GFRA2: variants seen among roughly 807,000 people sequenced by gnomAD.
The protein encoded by GFRA2 is GDNF family receptor alpha-2.
GFRA2 carries 17 observed loss-of-function variants against 48.3 expected under a neutral mutation model. The observed-to-expected ratio is 0.35, with a 90% CI of 0.24 to 0.53. The LOEUF is 0.53. Ranked by LOEUF, GFRA2 falls within the 20% of genes least tolerant of loss-of-function variation. GFRA2 has a pLI of 0.93. For synonymous variants in GFRA2, 305 were observed against 257.2 expected (o/e 1.19, Z -1.78); for missense variants, 660 against 637.3 (o/e 1.04, Z -0.38).
At chr8:21,715,659 C>T (rs570398526) in intron 4 of GFRA2, among the ~76,000 whole-genome samples, 4 of 152,318 alleles carry the variant, frequency 2.6e-5, no homozygotes, top group Non-Finnish European at 5.9e-5. Flanking sequence ...ACCCCTTTCT[C>T]CTGGCCACAC....
Position 21,753,437 on chromosome 8 carries a change from G to A in GFRA2, c.440-2495C>T, listed in dbSNP as rs534821631. Among the ~76,000 whole-genome samples, 17 of 152,254 alleles carry A rather than the reference G, an allele frequency of 1.1e-4. No homozygotes were observed. The South Asian group carries it at 1.7e-3, about 15-fold the overall frequency. On this transcript the variant is annotated intron_variant, in intron 3 of 8. Coordinates refer to ENST00000524240, the MANE Select transcript of GFRA2 (RefSeq NM_001495.5). ...AGACTGGCCAACATGGCAAAACCCC[G>A]TCTCTACTAAAAATATAAAAATTAG... is the stretch of plus-strand genomic sequence containing the variant.
chr8:21,794,011 G>A (rs1807624358), intron 2 of GFRA2, among the ~76,000 whole-genome samples: 1 of 151,528 alleles, frequency 6.6e-6, no homozygotes, highest in Non-Finnish European at 1.5e-5. Context: ...CTACAGGCCT[G>A]CACCTGGCTT....
intron 1 of GFRA2, among the ~76,000 whole-genome samples, chr8:21,784,790 G>C (rs1200172315): frequency 6.6e-6 from 1 of 152,186 alleles, no homozygotes; most frequent in Non-Finnish European, 1.5e-5. Context: ...GAAGAAATCA[G>C]ACCGGAGTTT....
rs1048891961 is a variant in GFRA2 at position 21,767,953 on chromosome 8, G to A, written c.439+7019C>T. 3.8e-4 allele frequency among the ~76,000 whole-genome samples: 38 copies of A among 99,226 alleles called. 3 individuals carry two copies. Among genetic ancestry groups the A allele is most frequent in the Admixed American group, 3.2e-3 (31 of 9,682 alleles). The allele number at this position is 99,226 out of a possible 152,430, so 65.1% of individuals were successfully genotyped here. On this transcript the variant is annotated intron_variant, in intron 3 of 8. Transcript: ENST00000524240. ...CTGACAAGAGCCTGAGGTCACTGGCGTTGACAGAGAGAGAGAGAGAGAGCA... is the reference window on the plus strand; with the variant it reads ...CTGACAAGAGCCTGAGGTCACTGGCATTGACAGAGAGAGAGAGAGAGAGCA...
intron 4 of GFRA2, 63 bp from the exon 5 acceptor site, chr8:21,706,104 C>A (rs1318931094): frequency 1.1e-5 from 12 of 1,061,326 alleles, no homozygotes; most frequent in Non-Finnish European, 1.6e-5. Flanking sequence ...CTTCTGTCTC[C>A]TCTGTCCTGC....
rs1232745011 is a variant in GFRA2, at chr8:21,692,253, A to G, written c.*1025T>C. 1.3e-5 allele frequency: 2 copies of G among 152,512 alleles called. No individual in the cohort carries two copies. Among genetic ancestry groups the G allele is most frequent in the Admixed American group, 1.3e-4 (2 of 15,282 alleles). The allele number at this position is 152,512 out of a possible 1,614,324, so 9.4% of individuals were successfully genotyped here. A position where few individuals can be genotyped will look rare whatever the true frequency, so the allele number is the denominator to read the frequency against. On this transcript the variant is annotated 3_prime_UTR_variant, in exon 9 of 9. Transcript: ENST00000524240. ...AAAAAAAGGAAAGAAAGGGGAAACC[A>G]CACAATATATGTATATGGATGTGTA...
chr8:21,798,209 C>A (rs758992415), intron 2 of GFRA2, among the ~76,000 whole-genome samples: 3 of 152,182 alleles, frequency 2.0e-5, no homozygotes, highest in African/African-American at 4.8e-5. Flanking sequence ...ACATCCCACC[C>A]AGCATTATGG....
chr8:21,809,870 G>C (rs1390698995), intron 1 of GFRA2, among the ~76,000 whole-genome samples: 1 of 152,150 alleles, frequency 6.6e-6, no homozygotes, highest in Admixed American at 6.5e-5. Flanking sequence ...AAGGGAAATA[G>C]GGGAACAGCA....
chr8:21,771,588 T>C (rs1158457141), intron 3 of GFRA2, among the ~76,000 whole-genome samples: 3 of 152,180 alleles, frequency 2.0e-5, no homozygotes, highest in East Asian at 1.9e-4. Flanking sequence ...TCCTGGCAGC[T>C]TCTTTGCAAC....
At chr8:21,793,329 A>G (rs1807610929), upstream of GFRA2, among the ~76,000 whole-genome samples, 1 of 152,132 alleles carries the variant, frequency 6.6e-6, no homozygotes, top group East Asian at 1.9e-4. Flanking sequence ...AGGTGATTGT[A>G]ACAGTCCCAG....
At chr8:21,694,890 A>G (rs1321506696) in intron 7 of GFRA2, among the ~76,000 whole-genome samples, 2 of 152,194 alleles carry the variant, frequency 1.3e-5, no homozygotes, top group Non-Finnish European at 2.9e-5. Context: ...AACTCAACAA[A>G]TGTTTCACTA....
At chr8:21,709,956 G>A (rs1802934631) in intron 4 of GFRA2, among the ~76,000 whole-genome samples, 1 of 152,232 alleles carries the variant, frequency 6.6e-6, no homozygotes, top group Non-Finnish European at 1.5e-5. Flanking sequence ...GGGCCACAAG[G>A]AGAGCAGGGC....
chr8:21,698,119 A>C (rs998923804), intron 7 of GFRA2, among the ~76,000 whole-genome samples: 2 of 152,196 alleles, frequency 1.3e-5, no homozygotes, highest in African/African-American at 4.8e-5. Flanking sequence ...AGAGCTTCTC[A>C]TCCCCTAGAG....
intron 3 of GFRA2, among the ~76,000 whole-genome samples, chr8:21,760,500 A>G (rs1296340684): frequency 6.6e-6 from 1 of 152,214 alleles, no homozygotes; most frequent in South Asian, 2.1e-4. Context: ...CCTGAGCACC[A>G]AGTAGATGGA....
chr8:21,694,564 T>C, intron 7 of GFRA2, 47 bp from the exon 8 acceptor site: 1 of 1,572,718 alleles, frequency 6.4e-7, no homozygotes, highest in African/African-American at 1.3e-5. Context: ...AGGCTGTTCC[T>C]GGCTGGGCTT....
upstream of GFRA2, among the ~76,000 whole-genome samples, chr8:21,792,343 G>C (rs1195294556): frequency 6.6e-6 from 1 of 152,216 alleles, no homozygotes; most frequent in Admixed American, 6.5e-5. Context: ...TCGACCAGGA[G>C]TGAAAAGAAG....
At chr8:21,719,926 A>T (rs1279618689) in intron 4 of GFRA2, among the ~76,000 whole-genome samples, 1 of 152,146 alleles carries the variant, frequency 6.6e-6, no homozygotes, top group Non-Finnish European at 1.5e-5. Context: ...TCATTAGCCA[A>T]GTTCTTCTGC....
At position 21,807,441 on chromosome 8, in the gene GFRA2, C is replaced by T. The variant is rs142120024; in HGVS notation, c.-147-2313G>A. On this transcript the variant is annotated intron_variant, in intron 1 of 10. Coordinates refer to the GFRA2 transcript ENST00000517328. ...TAAACTTCTATTCTTTGTAAATTAC[C>T]CGGTCTGCGGTATTCTGTTATAGCA... 3.3e-5 allele frequency among the ~76,000 whole-genome samples: 5 copies of T among 152,326 alleles called. No homozygotes were observed. The East Asian group carries it at 9.6e-4, about 29-fold the overall frequency.
intron 7 of GFRA2, among the ~76,000 whole-genome samples, chr8:21,697,120 G>T: frequency 6.7e-6 from 1 of 148,750 alleles, no homozygotes; most frequent in Non-Finnish European, 1.5e-5. Context: ...AGAGGGGAGG[G>T]GAGAGAAGGG....
Sources: allele counts gnomAD v4.1 joint callset (sites outside exome capture counted in the v4.1 genomes callset), GRCh38; gene constraint gnomAD v4.1.1; transcripts MANE v1.5; gene names NCBI Gene and HGNC (gene_info 2026-07-23, HGNC 2026-07-21).